The following PPP6R2 variants were observed in gnomAD, a reference collection of about 807,000 sequenced individuals.
The protein encoded by PPP6R2 is protein phosphatase 6 regulatory subunit 2.
Under a neutral mutation model 100.2 loss-of-function variants are expected in PPP6R2, and 62 were observed. The observed-to-expected ratio is 0.62, with a 90% confidence interval of 0.50 to 0.76. The LOEUF is 0.76. Ranked by LOEUF, PPP6R2 falls within the 30% of genes least tolerant of loss-of-function variation. The pLI is 0.00. For missense variants in PPP6R2, 1,142 were observed against 1,276.3 expected (o/e 0.89, Z 1.60); for synonymous variants, 525 against 514.7 (o/e 1.02, Z -0.27).
chr22:50,342,420 C>A (rs1446323590), upstream of PPP6R2, among the ~76,000 whole-genome samples: 1 of 152,352 alleles, frequency 6.6e-6, no homozygotes, highest in African/African-American at 2.4e-5. Context: ...GGACAGGCGT[C>A]GGGGAAGCCC....
chr22:50,438,334 G>A (rs764505886), intron 18 of PPP6R2, 36 bp downstream of exon 18: 24 of 1,593,382 alleles, frequency 1.5e-5, no homozygotes, highest in African/African-American at 2.7e-5. Context: ...AGCCTCTGCC[G>A]AGGAGGTTCA....
At chr22:50,383,047 A>G (rs1425618347) in intron 2 of PPP6R2, among the ~76,000 whole-genome samples, 1 of 152,104 alleles carries the variant, frequency 6.6e-6, no homozygotes, top group Admixed American at 6.6e-5. Context: ...CATATTGGCC[A>G]GGGTGGTCTC....
chr22:50,398,166 C>CTTT (rs1203401826), intron 3 of PPP6R2, among the ~76,000 whole-genome samples: 1 of 131,226 alleles, frequency 7.6e-6, no homozygotes, highest in African/African-American at 2.8e-5. Context: ...GACTCCATCT[C>CTTT]TTTTTTTTTT....
chr22:50,441,094 G>C (rs2065481279), intron 22 of PPP6R2, 68 bp downstream of exon 22: 1 of 1,327,340 alleles, frequency 7.5e-7, no homozygotes. Context: ...TCTGTCCCCA[G>C]GTCTCAGCTC....
chr22:50,438,525 T>C, intron 18 of PPP6R2, 74 bp from the exon 19 acceptor site: 1 of 1,545,626 alleles, frequency 6.5e-7, no homozygotes, highest in Non-Finnish European at 8.8e-7. Context: ...GCCCCGAGCC[T>C]GGGGCCGCCA....
intron 2 of PPP6R2, among the ~76,000 whole-genome samples, chr22:50,380,914 A>G (rs935935064): frequency 4.7e-5 from 7 of 149,268 alleles, no homozygotes; most frequent in South Asian, 2.1e-4. Context: ...GCCTGAACCC[A>G]GGAGGCGGAG....
At position 50,392,020 on chromosome 22, in the gene PPP6R2, G is replaced by A. The variant is rs370403219; in HGVS notation, c.-16-1873G>A. ...CCTGGATTGTGTGTCATCCAAGTAC[G>A]TGAGACATCTGGTAGTGCATTTCAG... On this transcript the variant is annotated intron_variant, in intron 2 of 23. Transcript: ENST00000612753. 1.8e-4 allele frequency: 27 copies of A among 151,452 alleles called. 1 individual carries two copies. Among genetic ancestry groups the A allele is most frequent in the African/African-American group, 5.1e-4 (21 of 41,234 alleles). 9.4% of individuals were successfully genotyped at this position (151,452 alleles called of 1,614,324 possible). A position where few individuals can be genotyped will look rare whatever the true frequency, so the allele number is the denominator to read the frequency against.
At chr22:50,335,485 G>A in the PPP6R2 span, among the ~76,000 whole-genome samples, 2,152 of 151,354 alleles carry the variant, frequency 0.014, 60 homozygotes, top group African/African-American at 0.05. Context: ...GACAGCCACC[G>A]CATCTGGCCC....
At chr22:50,411,297 T>G (rs2059704852) in intron 4 of PPP6R2, among the ~76,000 whole-genome samples, 1 of 151,734 alleles carries the variant, frequency 6.6e-6, no homozygotes, top group Non-Finnish European at 1.5e-5. Context: ...CTACTAAAAA[T>G]ATAAAAATTA....
intron 4 of PPP6R2, 79 bp downstream of exon 4, chr22:50,406,954 T>C (rs2059039794): frequency 2.8e-6 from 4 of 1,415,938 alleles, no homozygotes; most frequent in Non-Finnish European, 3.9e-6. Flanking sequence ...AGCCTGGCGG[T>C]GCGACTCATC....
At chr22:50,416,228 G>A (rs2147558179) in intron 6 of PPP6R2, 71 bp downstream of exon 6, 1 of 1,401,632 alleles carries the variant, frequency 7.1e-7, no homozygotes, top group South Asian at 1.2e-5. Context: ...ACTGCTGCGG[G>A]CCAGGGGGCG....
chr22:50,397,132 A>G (rs1364414460), intron 3 of PPP6R2, among the ~76,000 whole-genome samples: 1 of 152,220 alleles, frequency 6.6e-6, no homozygotes, highest in Non-Finnish European at 1.5e-5. Context: ...CCAAGCAAAC[A>G]GAGCAAGAGG....
chr22:50,398,368 T>C (rs1472465270), intron 3 of PPP6R2, among the ~76,000 whole-genome samples: 1 of 151,506 alleles, frequency 6.6e-6, no homozygotes, highest in Non-Finnish European at 1.5e-5. Context: ...AGACAGGGTT[T>C]CACCATGTTG....
chr22:50,397,218 T>C (rs956934650), intron 3 of PPP6R2, among the ~76,000 whole-genome samples: 5 of 151,076 alleles, frequency 3.3e-5, no homozygotes, highest in East Asian at 1.9e-4. Context: ...GGATATCCAT[T>C]TAAATTACCC....
At chr22:50,348,963 G>A (rs993023033) in intron 1 of PPP6R2, among the ~76,000 whole-genome samples, 44 of 151,872 alleles carry the variant, frequency 2.9e-4, no homozygotes, top group African/African-American at 9.2e-4. Context: ...ATGCTGAGGC[G>A]GGCGGATCAC....
chr22:50,412,480 G>A (rs1173192677), intron 4 of PPP6R2, among the ~76,000 whole-genome samples: 1 of 152,048 alleles, frequency 6.6e-6, no homozygotes, highest in East Asian at 1.9e-4. Context: ...ACCATGCCCA[G>A]CCTGGGGTTA....
At chr22:50,331,452 G>A in the PPP6R2 span, among the ~76,000 whole-genome samples, 4 of 151,980 alleles carry the variant, frequency 2.6e-5, no homozygotes, top group Non-Finnish European at 5.9e-5. Flanking sequence ...CCTCCCCAAC[G>A]CTTAGTATTA....
In PPP6R2 at chr22:50,444,428, G is replaced by GACCTGAGA; in HGVS notation, c.*181_*182insACCTGAGA. The GACCTGAGA allele has an allele frequency of 1.3e-6, 1 of 779,876 alleles. No individual in the cohort carries two copies. The highest frequency in any genetic ancestry group is 2.0e-6 in the Non-Finnish European group (1 of 498,758). 48.3% of individuals were successfully genotyped at this position (779,876 alleles called of 1,614,324 possible). A position where few individuals can be genotyped will look rare whatever the true frequency, so the allele number is the denominator to read the frequency against. On this transcript the variant is annotated 3_prime_UTR_variant, in exon 24 of 24. Coordinates refer to ENST00000612753, the MANE Select transcript of PPP6R2 (RefSeq NM_001242898.2). ...CAGCTTGCGTCTCTTCTGCCTGAGTGGGCCTCTCAGGTCACTCGTGCCCTG... is the reference window on the plus strand; with the variant it reads ...CAGCTTGCGTCTCTTCTGCCTGAGTGACCTGAGAGGCCTCTCAGGTCACTCGTGCCCTG...
upstream of PPP6R2, among the ~76,000 whole-genome samples, chr22:50,339,491 A>G (rs1336033812): frequency 7.2e-4 from 37 of 51,340 alleles, no homozygotes; most frequent in Admixed American, 1.2e-3. Context: ...TGGTGTGTAT[A>G]GGGTGTGTGT....
Sources: allele counts gnomAD v4.1 joint callset (sites outside exome capture counted in the v4.1 genomes callset), GRCh38; gene constraint gnomAD v4.1.1; transcripts MANE v1.5; gene names NCBI Gene and HGNC (gene_info 2026-07-23, HGNC 2026-07-21).